Variants in DNAH5 observed in about 807,000 individuals in gnomAD.
DNAH5 encodes dynein axonemal heavy chain 5.
DNAH5 carries 372 observed loss-of-function variants against 518.2 expected under a neutral mutation model. The observed-to-expected ratio is 0.72, with a 90% confidence interval of 0.66 to 0.78. The LOEUF (loss-of-function observed/expected upper bound fraction) is 0.78. Among genes scored for constraint, DNAH5 ranks in the 30% least tolerant of loss-of-function variants. DNAH5 has a pLI of 0.00. For synonymous variants in DNAH5, 2,039 were observed against 2,025.9 expected (o/e 1.01, Z -0.17); for missense variants, 5,523 against 5,687.0 (o/e 0.97, Z 0.93).
chr5:13,892,394 C>G (rs11948587), intron 16 of DNAH5, among the ~76,000 whole-genome samples: 88,293 of 151,974 alleles, frequency 0.58, 26,029 homozygotes, highest in African/African-American at 0.66. Flanking sequence ...ATGTAATGTG[C>G]AGAGTGTCCC....
rs10462710 is a variant in DNAH5, at chr5:13,883,153, C to G, written c.2984-59G>C. On this transcript the variant is annotated intron_variant, in intron 19 of 78. Transcript: ENST00000265104. ...TTTTAATACAAAATAAGATTTGCTT[C>G]CTTTGTAACCATAAAAATTAAAACA... 663,790 of 1,561,848 alleles carry G rather than the reference C, an allele frequency of 0.43. 143,928 individuals are homozygous for G. Among genetic ancestry groups the G allele is most frequent in the East Asian group, 0.73 (32,757 of 44,582 alleles).
At chr5:13,996,139 A>ATGGCTTTC (rs145062784) in intron 1 of DNAH5, among the ~76,000 whole-genome samples, 5 of 152,116 alleles carry the variant, frequency 3.3e-5, no homozygotes, top group African/African-American at 9.7e-5. Context: ...TTCCCATACA[A>ATGGCTTTC]TGGCTTTCTG....
intron 35 of DNAH5, among the ~76,000 whole-genome samples, chr5:13,834,529 G>A (rs1265743090): frequency 6.6e-6 from 1 of 152,164 alleles, no homozygotes; most frequent in African/African-American, 2.4e-5. Context: ...CATCTGTTAT[G>A]TGACAGAACA....
At chr5:13,843,859 G>C (rs1196022851) in intron 32 of DNAH5, among the ~76,000 whole-genome samples, 1 of 152,178 alleles carries the variant, frequency 6.6e-6, no homozygotes, top group Non-Finnish European at 1.5e-5. Context: ...CGTTCTTTGT[G>C]CTTAATGAAG....
At chr5:13,926,622 C>T (rs1777896212) in intron 3 of DNAH5, among the ~76,000 whole-genome samples, 1 of 152,184 alleles carries the variant, frequency 6.6e-6, no homozygotes, top group Non-Finnish European at 1.5e-5. Context: ...TTTGAAATGA[C>T]TATAGAATTT....
chr5:13,717,274 C>T, intron 73 of DNAH5, 41 bp downstream of exon 73: 3 of 1,577,880 alleles, frequency 1.9e-6, no homozygotes, highest in Non-Finnish European at 2.6e-6. Flanking sequence ...TGGCCCAAGC[C>T]CACAGCCACT....
chr5:13,780,789 CA>C (rs765799021), intron 53 of DNAH5, 39 bp downstream of exon 53: 12 of 1,611,096 alleles, frequency 7.4e-6, no homozygotes, highest in Non-Finnish European at 1.0e-5. Flanking sequence ...CACCTTTTAT[CA>C]AAATCCATGT....
At chr5:13,723,158 C>T (rs1436317302) in intron 70 of DNAH5, among the ~76,000 whole-genome samples, 3 of 152,156 alleles carry the variant, frequency 2.0e-5, no homozygotes, top group Admixed American at 6.5e-5. Flanking sequence ...TGGACAGATC[C>T]AATATCTAAA....
chr5:13,750,758 C>A (rs16902740), intron 65 of DNAH5, among the ~76,000 whole-genome samples: 16,975 of 152,236 alleles, frequency 0.11, 1,002 homozygotes, highest in East Asian at 0.2. Flanking sequence ...ATAGAACACA[C>A]TTTTCAGAAC....
At chr5:13,943,297 G>A (rs996130467) in intron 1 of DNAH5, among the ~76,000 whole-genome samples, 11 of 152,180 alleles carry the variant, frequency 7.2e-5, no homozygotes, top group African/African-American at 2.4e-4. Flanking sequence ...TTTTAAAATG[G>A]AGAGAACTCG....
At chr5:13,840,151 A>C (rs1764966562) in intron 34 of DNAH5, among the ~76,000 whole-genome samples, 1 of 152,226 alleles carries the variant, frequency 6.6e-6, no homozygotes. Flanking sequence ...AAAGGTAAGT[A>C]GTGTGCTTAA....
intron 55 of DNAH5, among the ~76,000 whole-genome samples, chr5:13,775,699 G>C (rs572251195): frequency 6.6e-6 from 1 of 152,220 alleles, no homozygotes; most frequent in South Asian, 2.1e-4. Context: ...GAGCTGTAGA[G>C]GCAATGGTGA....
At position 13,753,477 on chromosome 5, in the gene DNAH5, A is replaced by T; in HGVS notation, c.10628T>A (p.Leu3543Ter). ...TTTCATTTCCTTCCGCCAGTCATTT[A>T]ACAGAAGATCACGAAACTCTTGGTT... ...PFNQEFRDLL[L>*]NDWRKEMKAR... The change falls in exon 63 of 79, where the codon TTA becomes TAA. Residue 3543 changes from leucine to a stop codon, truncating the protein, a stop_gained. Coordinates refer to ENST00000265104, the MANE Select transcript of DNAH5 (RefSeq NM_001369.3). LOFTEE classifies it high-confidence loss of function. 1 of 1,614,136 alleles carries T rather than the reference A, an allele frequency of 6.2e-7. No individual in the cohort carries two copies. Among genetic ancestry groups the T allele is most frequent in the Non-Finnish European group, 8.5e-7 (1 of 1,179,974 alleles).
intron 15 of DNAH5, among the ~76,000 whole-genome samples, chr5:13,895,651 T>A (rs937471938): frequency 4.6e-5 from 7 of 152,140 alleles, no homozygotes; most frequent in African/African-American, 7.2e-5. Context: ...TGATCTCAAC[T>A]AGTGTCACGG....
chr5:13,994,095 C>T (rs1027800883), intron 1 of DNAH5, among the ~76,000 whole-genome samples: 11 of 152,190 alleles, frequency 7.2e-5, no homozygotes, highest in Non-Finnish European at 1.5e-4. Flanking sequence ...CTGCCCCGCA[C>T]GCATCCCAGC....
chr5:13,803,674 G>A (rs1176634000), intron 47 of DNAH5, among the ~76,000 whole-genome samples: 1 of 152,160 alleles, frequency 6.6e-6, no homozygotes, highest in Non-Finnish European at 1.5e-5. Context: ...TTATCTCTTA[G>A]GAAACTAGTC....
Position 13,920,485 on chromosome 5 carries a change from C to A in DNAH5, c.793G>T (p.Glu265Ter), listed in dbSNP as rs140576123. ...GTTTGGTTTCTCAAAATTACCTGTTCTGTCTGTTTGATCCATACTTTCATG... is the reference window on the plus strand; with the variant it reads ...GTTTGGTTTCTCAAAATTACCTGTTATGTCTGTTTGATCCATACTTTCATG... ...DCMKVWIKQT[E>*]QVLAENNQLL... The change falls in exon 6 of 79, where the codon GAA (glutamate) becomes TAA (stop). Residue 265 changes from glutamate (E) to a stop codon, truncating the protein, a stop_gained. Coordinates refer to ENST00000265104, the MANE Select transcript of DNAH5 (RefSeq NM_001369.3). LOFTEE classifies it high-confidence loss of function. 6.2e-7 allele frequency: 1 copy of A among 1,614,042 alleles called. No homozygotes were observed.
intron 1 of DNAH5, among the ~76,000 whole-genome samples, chr5:13,968,744 A>G (rs1781691490): frequency 6.6e-6 from 1 of 152,130 alleles, no homozygotes; most frequent in African/African-American, 2.4e-5. Flanking sequence ...TTTTGCATCT[A>G]TGTTAATTAG....
chr5:13,736,427 T>C (rs1314484944), intron 66 of DNAH5, among the ~76,000 whole-genome samples: 1 of 152,076 alleles, frequency 6.6e-6, no homozygotes, highest in Non-Finnish European at 1.5e-5. Flanking sequence ...GGAGTTTTGC[T>C]CTTGTCCCCC....
Sources: allele counts gnomAD v4.1 joint callset (sites outside exome capture counted in the v4.1 genomes callset), GRCh38; gene constraint gnomAD v4.1.1; transcripts MANE v1.5; gene names NCBI Gene and HGNC (gene_info 2026-07-23, HGNC 2026-07-21).